The following KCNQ1 variants were observed in gnomAD, a reference collection of about 807,000 sequenced individuals.
KCNQ1 encodes the protein potassium voltage-gated channel subfamily KQT member 1.
KCNQ1 carries 49 observed loss-of-function variants against 72.4 expected under a neutral mutation model. The observed-to-expected ratio is 0.68, with a 90% CI of 0.54 to 0.86. The LOEUF (loss-of-function observed/expected upper bound fraction) is 0.86, where lower values mean the gene tolerates loss of function less well. KCNQ1 is among the 40% of genes least tolerant of loss of function. The pLI, the probability that KCNQ1 is intolerant of heterozygous loss-of-function variation, is 0.00. For synonymous variants in KCNQ1, 450 were observed against 412.6 expected (o/e 1.09, Z -1.10); for missense variants, 790 against 945.1 (o/e 0.84, Z 2.15).
chr11:2,533,381 G>T (rs911844644), intron 2 of KCNQ1, among the ~76,000 whole-genome samples: 3 of 152,184 alleles, frequency 2.0e-5, no homozygotes, highest in Non-Finnish European at 4.4e-5. Context: ...AATCTGCTGG[G>T]CAGGGAGATT....
rs1847450535 is a variant in KCNQ1 at position 2,809,754 on chromosome 11, C to G, written c.1794+31717C>G. Among the ~76,000 whole-genome samples, 1 of 152,200 alleles carries G rather than the reference C, an allele frequency of 6.6e-6. No homozygotes were observed. Among genetic ancestry groups the G allele is most frequent in the Non-Finnish European group, 1.5e-5 (1 of 68,048 alleles). On this transcript the variant is annotated intron_variant, in intron 15 of 15. Coordinates refer to ENST00000155840, the MANE Select transcript of KCNQ1 (RefSeq NM_000218.3). The surrounding 1 kb of genome is among the most constrained non-coding windows in gnomAD (Gnocchi z 7.1). ...CCAGGCCAGAGCCCTTCTCTCAAATCCCCTTTGGTTCTAGCCATGTTTCCC... is the reference window on the plus strand; with the variant it reads ...CCAGGCCAGAGCCCTTCTCTCAAATGCCCTTTGGTTCTAGCCATGTTTCCC...
rs2133576251 is a variant in KCNQ1 at position 2,457,300 on chromosome 11, T to TTA, written c.386+11819_386+11820dup. 6.6e-6 allele frequency among the ~76,000 whole-genome samples: 1 copy of TTA among 152,330 alleles called. No individual in the cohort carries two copies. The highest frequency in any genetic ancestry group is 2.4e-5 in the African/African-American group (1 of 41,574). ...GATCCAGCAGTCCCGTGTGCTGAGT[T>TTA]TATACCCAAAGAAAAATTAGTCGTT... is the stretch of plus-strand genomic sequence containing the variant. On this transcript the variant is annotated intron_variant, in intron 1 of 15. Transcript: ENST00000155840. The surrounding 1 kb of genome is among the most constrained non-coding windows in gnomAD (Gnocchi z 5.0).
rs995527281 is a variant in KCNQ1, at chr11:2,537,080, C to T, written c.477+9062C>T. On this transcript the variant is annotated intron_variant, in intron 2 of 15. Transcript: ENST00000155840. The surrounding 1 kb of genome is among the most constrained non-coding windows in gnomAD (Gnocchi z 5.2). ...TAACTGATCATATCTGCAGGGACCC[C>T]ATTTCCAAACAAGGTCTTACTCTGA... Among the ~76,000 whole-genome samples the T allele has an allele frequency of 3.3e-5, 5 of 152,138 alleles. No homozygotes were observed. The South Asian group carries it at 1.0e-3, about 31-fold the overall frequency.
Position 2,564,503 on chromosome 11 carries a change from G to C in KCNQ1, c.478-6125G>C, listed in dbSNP as rs1490616278. On this transcript the variant is annotated intron_variant, in intron 2 of 15. Transcript: ENST00000155840. This position sits in a 1 kb window ranked among gnomAD's most constrained non-coding sequence, Gnocchi z 4.5. The stretch of plus-strand genomic sequence containing the variant: ...CCAGCTACTCAGGGGGCTGAGGCAG[G>C]AGAATCACTTGAACCTGGGAGGCAG... Among the ~76,000 whole-genome samples, 1 of 152,214 alleles carries C rather than the reference G, an allele frequency of 6.6e-6. No homozygotes were observed. Among genetic ancestry groups the C allele is most frequent in the African/African-American group, 2.4e-5 (1 of 41,454 alleles).
chr11:2,699,921 T>G (rs1000186595), intron 11 of KCNQ1: 6 of 398,224 alleles, frequency 1.5e-5, no homozygotes, highest in African/African-American at 1.2e-4. Context: ...AGAATCGCGC[T>G]GAGGGGCGCC....
chr11:2,721,139 G>A (rs934597552), intron 11 of KCNQ1, among the ~76,000 whole-genome samples: 4 of 152,108 alleles, frequency 2.6e-5, no homozygotes, highest in East Asian at 3.9e-4. Context: ...CATTCTGGAC[G>A]CCGGGGGGAC....
intron 11 of KCNQ1, chr11:2,699,932 C>G (rs912030935): frequency 4.5e-5 from 18 of 398,266 alleles, no homozygotes; most frequent in Admixed American, 8.8e-5. Context: ...GAGGGGCGCC[C>G]TGGCAGGATC....
chr11:2,767,894 C>G lies in KCNQ1; in HGVS notation c.1515-950C>G, dbSNP rs113449322. Reference sequence around the variant, plus strand: ...TCTTTTTCCCTCGTGTCCTGGCTGTCCTGTGGCCCTGGACTCCACATTTTT... The same window carrying G: ...TCTTTTTCCCTCGTGTCCTGGCTGTGCTGTGGCCCTGGACTCCACATTTTT... On this transcript the variant is annotated intron_variant, in intron 11 of 15. Transcript: ENST00000155840. This position sits in a 1 kb window ranked among gnomAD's most constrained non-coding sequence, Gnocchi z 4.6. 1.8e-3 allele frequency among the ~76,000 whole-genome samples: 273 copies of G among 152,340 alleles called. 1 individual carries two copies. The highest frequency in any genetic ancestry group is 6.3e-3 in the African/African-American group (262 of 41,568).
rs1564891311 is a variant in KCNQ1, at chr11:2,781,760, AG to A, written c.1794+3724del. Among the ~76,000 whole-genome samples, 1 of 151,960 alleles carries A rather than the reference AG, an allele frequency of 6.6e-6. No homozygotes were observed. The highest frequency in any genetic ancestry group is 2.4e-5 in the African/African-American group (1 of 41,328). On this transcript the variant is annotated intron_variant, in intron 15 of 15. Transcript: ENST00000155840. The surrounding 1 kb of genome is among the most constrained non-coding windows in gnomAD (Gnocchi z 6.6). ...TATGAGGAGCACAGTGGGCTGGGAG[AG>A]TTTCTTTCTTCTCTGTTTTTGCCGG...
Position 2,595,072 on chromosome 11 carries a change from G to A in KCNQ1, c.1393+6218G>A, listed in dbSNP as rs535471314. Among the ~76,000 whole-genome samples the A allele has an allele frequency of 1.3e-5, 2 of 152,160 alleles. No individual in the cohort carries two copies. Among genetic ancestry groups the A allele is most frequent in the Non-Finnish European group, 2.9e-5 (2 of 68,030 alleles). ...CCAATCCAGGACCTTCATGATCCAT[G>A]TTTTAGATATGGGATCTTCTAGACA... On this transcript the variant is annotated intron_variant, in intron 10 of 15. Coordinates refer to ENST00000155840, the MANE Select transcript of KCNQ1 (RefSeq NM_000218.3). This position sits in a 1 kb window ranked among gnomAD's most constrained non-coding sequence, Gnocchi z 5.0.
At chr11:2,639,456 T>C (rs977195778) in intron 10 of KCNQ1, 8 of 152,322 alleles carry the variant, frequency 5.3e-5, no homozygotes, top group Non-Finnish European at 1.2e-4. Flanking sequence ...TGCAGGTCTG[T>C]TGGAGTTTGC....
Position 2,809,970 on chromosome 11 carries a change from T to C in KCNQ1, c.1794+31933T>C, listed in dbSNP as rs915654898. ...TCAGGGGCCTTACTGATAAGAACTG[T>C]GTGGAAGGTAAGCATTCAAAGTTCT... On this transcript the variant is annotated intron_variant, in intron 15 of 15. Transcript: ENST00000155840. This position sits in a 1 kb window ranked among gnomAD's most constrained non-coding sequence, Gnocchi z 7.1. 1.3e-5 allele frequency among the ~76,000 whole-genome samples: 2 copies of C among 152,206 alleles called. No individual in the cohort carries two copies. The highest frequency in any genetic ancestry group is 6.5e-5 in the Admixed American group (1 of 15,274).
In KCNQ1 at chr11:2,507,839, G is replaced by A. The variant is rs1847129342; in HGVS notation, c.387-20089G>A. Among the ~76,000 whole-genome samples the A allele has an allele frequency of 6.6e-6, 1 of 152,164 alleles. No individual in the cohort carries two copies. Among genetic ancestry groups the A allele is most frequent in the African/African-American group, 2.4e-5 (1 of 41,424 alleles). On this transcript the variant is annotated intron_variant, in intron 1 of 15. Coordinates refer to ENST00000155840, the MANE Select transcript of KCNQ1 (RefSeq NM_000218.3). This position sits in a 1 kb window ranked among gnomAD's most constrained non-coding sequence, Gnocchi z 5.4. ...TGGCAGCTGTGGAGGCTGAGGGCAA[G>A]GAAGGCAAGTCCGGGAGGTTGGGTG...
Position 2,676,245 on chromosome 11 carries a change from A to G in KCNQ1, c.1514+14164A>G. ...ATGCTGATTTATTATGGTGCAGTAC[A>G]TCTGAGAAGCATTTTTATTGCAAAA... On this transcript the variant is annotated intron_variant, in intron 11 of 15. Coordinates refer to ENST00000155840, the MANE Select transcript of KCNQ1 (RefSeq NM_000218.3). This position sits in a 1 kb window ranked among gnomAD's most constrained non-coding sequence, Gnocchi z 4.2. 7.5e-6 allele frequency: 3 copies of G among 398,664 alleles called. No homozygotes were observed. Among genetic ancestry groups the G allele is most frequent in the Non-Finnish European group, 1.3e-5 (3 of 226,072 alleles). The allele number at this position is 398,664 out of a possible 1,614,324, so 24.7% of individuals were successfully genotyped here.
rs1051778166 is a variant in KCNQ1 at position 2,664,220 on chromosome 11, C to A, written c.1514+2139C>A. 22 of 398,652 alleles carry A rather than the reference C, an allele frequency of 5.5e-5. No individual in the cohort carries two copies. The highest frequency in any genetic ancestry group is 8.4e-5 in the Non-Finnish European group (19 of 226,304). The allele number at this position is 398,652 out of a possible 1,614,324, so 24.7% of individuals were successfully genotyped here. A position where few individuals can be genotyped will look rare whatever the true frequency, so the allele number is the denominator to read the frequency against. On this transcript the variant is annotated intron_variant, in intron 11 of 15. Transcript: ENST00000155840. The surrounding 1 kb of genome is among the most constrained non-coding windows in gnomAD (Gnocchi z 5.1). ...GGCAGGAAGGAGCCCAGGCATGGGGCTTGGGGTGAGGGATCTGAAGAGGGG... is the reference window on the plus strand; with the variant it reads ...GGCAGGAAGGAGCCCAGGCATGGGGATTGGGGTGAGGGATCTGAAGAGGGG...
At chr11:2,448,740 G>A (rs568159407) in intron 1 of KCNQ1, among the ~76,000 whole-genome samples, 4 of 152,240 alleles carry the variant, frequency 2.6e-5, no homozygotes, top group East Asian at 3.8e-4. Context: ...TCCTTTTGGG[G>A]CTTTTCCCAG....
intron 10 of KCNQ1, chr11:2,630,047 T>G: frequency 2.5e-6 from 1 of 398,116 alleles, no homozygotes; most frequent in South Asian, 1.3e-4. Flanking sequence ...TGATGTTAGC[T>G]GTGGGCTATT....
chr11:2,518,274 C>G (rs1166892849), intron 1 of KCNQ1, among the ~76,000 whole-genome samples: 3 of 152,230 alleles, frequency 2.0e-5, no homozygotes, highest in Non-Finnish European at 4.4e-5. Context: ...GAGAGCCTGG[C>G]AGGGAAGCCC....
intron 11 of KCNQ1, among the ~76,000 whole-genome samples, chr11:2,744,422 T>C (rs1370736383): frequency 6.6e-6 from 1 of 152,218 alleles, no homozygotes; most frequent in Non-Finnish European, 1.5e-5. Flanking sequence ...CTGCAGAGCA[T>C]GTGATACCTG....
Sources: gnomAD v4.1 joint callset for allele counts (sites outside exome capture counted in the v4.1 genomes callset) on GRCh38, gnomAD v4.1.1 for gene constraint, Gnocchi (gnomAD v3.1) non-coding constraint, MANE v1.5 for transcripts, NCBI Gene and HGNC (gene_info 2026-07-23, HGNC 2026-07-21) for gene names.